Variants in SCART1 observed in about 807,000 individuals in gnomAD.
SCART1 encodes the protein scavenger receptor family member expressed on T cells 1, also known as scavenger receptor cysteine-rich domain-containing protein SCART1.
SCART1 carries 62 observed loss-of-function variants against 36.2 expected under a neutral mutation model. The observed-to-expected ratio is 1.71, with a 90% confidence interval of 1.40 to 2.12. The LOEUF (loss-of-function observed/expected upper bound fraction) is 2.12, where lower values mean the gene tolerates loss of function less well. Ranked by LOEUF, SCART1 falls within the 30% of genes most tolerant of loss-of-function variation. The probability of loss-of-function intolerance (pLI) is 0.00; values close to 1 mark genes in which losing one functional copy is unlikely to be tolerated. For missense variants in SCART1, 1,041 were observed against 540.5 expected, an observed-to-expected ratio of 1.93 and a Z score of -9.18; for synonymous variants, 487 against 238.7, an observed-to-expected ratio of 2.04 and a Z score of -9.59.
intron 6 of SCART1, among the ~76,000 whole-genome samples, chr10:133,463,975 C>T (rs1850733518): frequency 1.3e-5 from 2 of 152,156 alleles, no homozygotes; most frequent in African/African-American, 4.8e-5. Flanking sequence ...CCCTCCCTCC[C>T]CCAACCCTTC....
exon 5 of SCART1, chr10:133,459,321 G>A (rs1302925989): frequency 1.6e-6 from 1 of 638,570 alleles, no homozygotes; most frequent in Admixed American, 2.3e-5. Flanking sequence ...TCCGCGGTCT[G>A]CTCAGGTGGG....
intron 1 of SCART1, 91 bp from the exon 2 acceptor site, chr10:133,456,146 C>T (rs975287766): frequency 2.1e-4 from 136 of 645,356 alleles, no homozygotes; most frequent in East Asian, 6.3e-4. Context: ...CTGCTGAGGC[C>T]TCACAGGCCG....
At chr10:133,463,133 C>T (rs880282) in intron 6 of SCART1, among the ~76,000 whole-genome samples, 8,455 of 152,216 alleles carry the variant, frequency 0.056, 348 homozygotes, top group Non-Finnish European at 0.083. Flanking sequence ...GGACTTTACA[C>T]TGCTCCAAGG....
intron 11 of SCART1, 39 bp downstream of exon 11, chr10:133,467,392 G>A (rs1170711584): frequency 3.0e-6 from 2 of 676,092 alleles, no homozygotes; most frequent in East Asian, 2.7e-5. Context: ...GCTCTGGGGT[G>A]GGCTACGGAT....
chr10:133,467,719 C>A, intron 11 of SCART1, 128 bp from the exon 12 acceptor site: 2 of 549,164 alleles, frequency 3.6e-6, no homozygotes, highest in South Asian at 5.1e-5. Context: ...TGTCAGGATG[C>A]CTTGAACATT....
chr10:133,466,250 C>T (rs758279071), exon 10 of SCART1: 9 of 702,740 alleles, frequency 1.3e-5, no homozygotes, highest in South Asian at 1.0e-4. Flanking sequence ...GGCCCAGGCC[C>T]CCCACTGCCT....
At chr10:133,468,419 G>C (rs949542872) in exon 12 of SCART1, 1 of 152,922 alleles carries the variant, frequency 6.5e-6, no homozygotes, top group Non-Finnish European at 1.5e-5. Context: ...CATGTCATCT[G>C]TGAATATTCA....
exon 3 of SCART1, chr10:133,457,510 G>A (rs1291086808): frequency 1.4e-6 from 1 of 702,556 alleles, no homozygotes; most frequent in Non-Finnish European, 2.6e-6. Flanking sequence ...ATCCGCAGCT[G>A]CAGACTGGAC....
intron 6 of SCART1, 117 bp downstream of exon 6, chr10:133,460,287 C>G (rs1195124724): frequency 2.5e-6 from 1 of 399,110 alleles, no homozygotes; most frequent in Non-Finnish European, 4.4e-6. Flanking sequence ...GAATGCAGAA[C>G]TTCCACAGTG....
chr10:133,459,238 G>A (rs1220098459), exon 5 of SCART1: 1 of 693,666 alleles, frequency 1.4e-6, no homozygotes, highest in Admixed American at 2.0e-5. Context: ...ACTGTGAGGG[G>A]ACAGAGTCCT....
chr10:133,462,977 T>A (rs917908509), intron 6 of SCART1, among the ~76,000 whole-genome samples: 5 of 152,190 alleles, frequency 3.3e-5, no homozygotes, highest in Non-Finnish European at 7.3e-5. Context: ...CTTATTTTAA[T>A]TAGATATGAT....
chr10:133,454,862 A>AGATG (rs1301071508), intron 1 of SCART1, among the ~76,000 whole-genome samples: 1 of 152,198 alleles, frequency 6.6e-6, no homozygotes, highest in Non-Finnish European at 1.5e-5. Context: ...ATGTGGCCAC[A>AGATG]GATGGATGGA....
At chr10:133,464,615 C>G (rs899837774) in exon 7 of SCART1, 2 of 653,914 alleles carry the variant, frequency 3.1e-6, no homozygotes, top group Non-Finnish European at 5.6e-6. Context: ...GAGTCGGTGG[C>G]TCTGAGGCTG....
At chr10:133,465,222 C>T in intron 8 of SCART1, 29 bp from the exon 9 acceptor site, 1 of 701,610 alleles carries the variant, frequency 1.4e-6, no homozygotes, top group South Asian at 1.5e-5. Context: ...CCGGTCCAGC[C>T]CCCGCAGTGA....
chr10:133,467,136 C>T (rs1850772359), intron 10 of SCART1, 62 bp from the exon 11 acceptor site: 3 of 601,194 alleles, frequency 5.0e-6, no homozygotes, highest in Admixed American at 5.0e-5. Flanking sequence ...TTGCTGTCCT[C>T]CCTTGCCTGT....
At chr10:133,459,828 A>T in exon 6 of SCART1, 1 of 581,260 alleles carries the variant, frequency 1.7e-6, no homozygotes, top group Non-Finnish European at 3.1e-6. Flanking sequence ...CGCGTCCCCC[A>T]TGGCCCGTCG....
chr10:133,466,357 C>T lies in SCART1; in HGVS notation c.2782C>T (p.Arg928Ter), dbSNP rs529589603. The change falls in exon 10 of 12, where the codon CGA becomes TGA. Residue 928 changes from arginine to a stop codon, truncating the protein, a stop_gained. Coordinates refer to ENST00000640237, the Ensembl canonical transcript of SCART1. LOFTEE classifies it high-confidence loss of function. The stretch of plus-strand genomic sequence containing the variant: ...CCTCATGGCTTTTCTGATTCTGCCT[C>T]GAGTCACACAAGCCATGCAGAGGGG... 3.8e-4 allele frequency: 270 copies of T among 702,934 alleles called. 2 individuals are homozygous for T. The African/African-American group carries it at 4.2e-3, about 11-fold the overall frequency. The allele number at this position is 702,934 out of a possible 1,614,324, so 43.5% of individuals were successfully genotyped here.
chr10:133,457,678 C>T (rs1234440054), intron 3 of SCART1, 103 bp downstream of exon 3: 1 of 589,716 alleles, frequency 1.7e-6, no homozygotes, highest in African/African-American at 1.9e-5. Context: ...CGGATGGGCC[C>T]CCCTGTCCTG....
chr10:133,460,490 T>TATATATATATATA (rs1564834608), intron 6 of SCART1, among the ~76,000 whole-genome samples: 3 of 102,928 alleles, frequency 2.9e-5, no homozygotes, highest in East Asian at 5.1e-4. Flanking sequence ...ATATATATAT[T>TATATATATATATA]TATATATTTT....
Sources: gnomAD v4.1 joint callset for allele counts (sites outside exome capture counted in the v4.1 genomes callset) on GRCh38, gnomAD v4.1.1 for gene constraint, MANE v1.5 for transcripts, NCBI Gene and HGNC (gene_info 2026-07-23, HGNC 2026-07-21) for gene names.